Variants in SLC12A1 observed in about 807,000 individuals in gnomAD.
SLC12A1 encodes the protein solute carrier family 12 member 1.
SLC12A1 carries 89 observed loss-of-function variants against 130.4 expected under a neutral mutation model. The ratio of observed to expected loss-of-function variants is 0.68; its 90% CI spans 0.58 to 0.81. The LOEUF is 0.81. Among genes scored for constraint, SLC12A1 ranks in the 40% least tolerant of loss-of-function variants. The pLI, the probability that SLC12A1 is intolerant of heterozygous loss-of-function variation, is 0.00. For missense variants in SLC12A1, 1,310 were observed against 1,336.4 expected (o/e 0.98, Z 0.31); for synonymous variants, 499 against 460.0 (o/e 1.08, Z -1.09).
intron 2 of SLC12A1, among the ~76,000 whole-genome samples, chr15:48,214,289 A>G (rs1279160150): frequency 6.6e-6 from 1 of 152,188 alleles, no homozygotes; most frequent in Non-Finnish European, 1.5e-5. Context: ...AAAAACAAAA[A>G]CAATTAATTT....
At chr15:48,223,050 G>A (rs1440908231) in intron 4 of SLC12A1, 2 of 152,246 alleles carry the variant, frequency 1.3e-5, no homozygotes, top group Non-Finnish European at 2.9e-5. Flanking sequence ...AGGAAGTTAG[G>A]TGTGAAAGCC....
intron 17 of SLC12A1, among the ~76,000 whole-genome samples, chr15:48,260,348 TCACACACACACACA>T (rs10673427): frequency 3.5e-5 from 5 of 144,440 alleles, no homozygotes; most frequent in East Asian, 2.0e-4. Flanking sequence ...TCTCTCTCTA[TCACACACACACACA>T]CACACACACA....
At chr15:48,291,114 G>C (rs2042115030) in intron 23 of SLC12A1, among the ~76,000 whole-genome samples, 1 of 151,784 alleles carries the variant, frequency 6.6e-6, no homozygotes, top group Admixed American at 6.6e-5. Flanking sequence ...TAAAGAGAGA[G>C]AAACAAAGAA....
rs1357912837 is a variant in SLC12A1 at position 48,243,292 on chromosome 15, C to T, written c.1301-1461C>T. ...TTTCAAGCATTCAAGCAGAGGCTGGCAGGCTACCTCTCAGTACTATGATTA... is the reference window on the plus strand; with the variant it reads ...TTTCAAGCATTCAAGCAGAGGCTGGTAGGCTACCTCTCAGTACTATGATTA... On this transcript the variant is annotated intron_variant, in intron 10 of 26. Coordinates refer to ENST00000380993, the MANE Select transcript of SLC12A1 (RefSeq NM_000338.3). Among the ~76,000 whole-genome samples the T allele has an allele frequency of 5.3e-5, 8 of 152,146 alleles. No individual in the cohort carries two copies. In the East Asian group the frequency reaches 1.6e-3, roughly 30 times the overall value.
intron 14 of SLC12A1, among the ~76,000 whole-genome samples, chr15:48,250,034 T>C (rs2041628959): frequency 1.3e-5 from 2 of 152,184 alleles, no homozygotes. Context: ...TTCCTTACTA[T>C]CAAATTTGTT....
At chr15:48,283,859 C>T (rs2042031665) in intron 20 of SLC12A1, among the ~76,000 whole-genome samples, 1 of 151,480 alleles carries the variant, frequency 6.6e-6, no homozygotes, top group African/African-American at 2.4e-5. Flanking sequence ...AGTGCCACCT[C>T]ACCCAGTATA....
rs1455832531 is a variant in SLC12A1 at position 48,207,781 on chromosome 15, T to A, written c.62T>A (p.Phe21Tyr). Residue 21 changes from phenylalanine to tyrosine, a missense_variant, in exon 2 of 27, where the codon TTT (phenylalanine) becomes TAT (tyrosine). Transcript: ENST00000380993. ...TCAGTGCCCAGTAATACCAATCGCTTTCAAGTTAGTGTCATAAATGAGAAC... is the reference window on the plus strand; with the variant it reads ...TCAGTGCCCAGTAATACCAATCGCTATCAAGTTAGTGTCATAAATGAGAAC... ...LDSVPSNTNR[F>Y]QVSVINENHE... 1 of 1,613,054 alleles carries A rather than the reference T, an allele frequency of 6.2e-7. No homozygotes were observed. The highest frequency in any genetic ancestry group is 1.1e-5 in the South Asian group (1 of 90,792).
In SLC12A1 at chr15:48,241,565, C is replaced by T. The variant is rs752076987; in HGVS notation, c.1266C>T (p.Thr422=). 24 of 1,613,720 alleles carry T rather than the reference C, an allele frequency of 1.5e-5. No homozygotes were observed. The highest frequency in any genetic ancestry group is 1.8e-5 in the Non-Finnish European group (21 of 1,179,786). The change falls in exon 10 of 27, where the codon ACC becomes ACT. Residue 422 remains threonine, a synonymous_variant. Coordinates refer to ENST00000380993, the MANE Select transcript of SLC12A1 (RefSeq NM_000338.3). ...PRGTMLAIFI[T]TVAYLGVAIC... Reference sequence around the variant, plus strand: ...GAACCATGCTGGCCATTTTCATCACCACTGTTGCCTACTTAGGGGTTGCAA... The same window carrying T: ...GAACCATGCTGGCCATTTTCATCACTACTGTTGCCTACTTAGGGGTTGCAA...
rs751318411 is a variant in SLC12A1, at chr15:48,229,243, T to A, written c.779T>A (p.Ile260Lys). The change falls in exon 6 of 27, where the codon ATA becomes AAA. Residue 260 changes from isoleucine (I) to lysine (K), a missense_variant. Coordinates refer to ENST00000380993, the MANE Select transcript of SLC12A1 (RefSeq NM_000338.3). ...TTAGGGCCCGAGTTCGGTGGGTCAA[T>A]AGGCCTGATCTTTGCTTTTGCTAAT... ...RSLGPEFGGS[I>K]GLIFAFANAV... The A allele has an allele frequency of 6.3e-7, 1 of 1,597,524 alleles. No homozygotes were observed. The highest frequency in any genetic ancestry group is 8.5e-7 in the Non-Finnish European group (1 of 1,171,314).
chr15:48,269,304 A>G (rs1432479092), intron 18 of SLC12A1, among the ~76,000 whole-genome samples: 2 of 152,230 alleles, frequency 1.3e-5, no homozygotes, highest in African/African-American at 4.8e-5. Flanking sequence ...AACAGGTGGA[A>G]TTGAGCTTTG....
chr15:48,301,674 A>C (rs1377941238), intron 26 of SLC12A1, among the ~76,000 whole-genome samples: 1 of 151,770 alleles, frequency 6.6e-6, no homozygotes, highest in Non-Finnish European at 1.5e-5. Flanking sequence ...GGAATCTGAG[A>C]CCCTGGATTT....
intron 19 of SLC12A1, among the ~76,000 whole-genome samples, chr15:48,273,280 C>T (rs964129774): frequency 9.9e-5 from 15 of 152,158 alleles, no homozygotes; most frequent in African/African-American, 3.6e-4. Context: ...CTTTCTCAAT[C>T]TTCAAAGCCA....
At chr15:48,213,511 T>A (rs1253444896) in intron 2 of SLC12A1, among the ~76,000 whole-genome samples, 1 of 150,484 alleles carries the variant, frequency 6.6e-6, no homozygotes, top group Non-Finnish European at 1.5e-5. Flanking sequence ...ATTTTTTTTT[T>A]TTTTTTTTTT....
intron 16 of SLC12A1, 98 bp from the exon 17 acceptor site, chr15:48,259,102 A>C: frequency 2.6e-6 from 2 of 757,088 alleles, no homozygotes; most frequent in Non-Finnish European, 4.6e-6. Context: ...AGGTTGCCCC[A>C]TTTTTCCAAG....
chr15:48,267,361 G>A (rs1566848129), intron 17 of SLC12A1, among the ~76,000 whole-genome samples, 200 bp from the exon 18 acceptor site: 1 of 152,088 alleles, frequency 6.6e-6, no homozygotes, highest in Non-Finnish European at 1.5e-5. Flanking sequence ...AGATGTTTTG[G>A]GTAGAAAATG....
At chr15:48,239,078 A>G (rs2041471443) in intron 9 of SLC12A1, among the ~76,000 whole-genome samples, 1 of 152,216 alleles carries the variant, frequency 6.6e-6, no homozygotes. Flanking sequence ...CTGCGTGTGG[A>G]TAGAAACTAC....
chr15:48,295,698 G>A (rs1293417373), intron 24 of SLC12A1, among the ~76,000 whole-genome samples: 2 of 151,492 alleles, frequency 1.3e-5, no homozygotes, highest in South Asian at 2.1e-4. Flanking sequence ...GAAAATGCAG[G>A]GAAAAAAAAT....
chr15:48,274,508 A>C, intron 19 of SLC12A1, 63 bp from the exon 20 acceptor site: 1 of 1,004,358 alleles, frequency 1.0e-6, no homozygotes, highest in South Asian at 1.3e-5. Context: ...GTGTAATACT[A>C]GTCCAAAGCT....
chr15:48,247,315 T>G (rs756576773), intron 12 of SLC12A1, 22 bp from the exon 13 acceptor site: 1 of 1,593,912 alleles, frequency 6.3e-7, no homozygotes, highest in South Asian at 1.2e-5. Context: ...AATGACAAAT[T>G]TCTTCTCTTC....
Sources: gnomAD v4.1 joint callset for allele counts (sites outside exome capture counted in the v4.1 genomes callset) on GRCh38, gnomAD v4.1.1 for gene constraint, MANE v1.5 for transcripts, NCBI Gene and HGNC (gene_info 2026-07-23, HGNC 2026-07-21) for gene names.